The following TPD52L2 variants were observed in gnomAD, a reference collection of about 807,000 sequenced individuals.
TPD52L2 encodes tumor protein D54.
In TPD52L2, 19 loss-of-function variants were observed where a neutral mutation model predicts 24.7. The ratio of observed to expected loss-of-function variants is 0.77; its 90% confidence interval spans 0.54 to 1.13. The LOEUF (loss-of-function observed/expected upper bound fraction) is 1.13, where lower values mean the gene tolerates loss of function less well. Ranked by LOEUF, TPD52L2 falls within the 50% of genes most tolerant of loss-of-function variation. The pLI is 0.00. For missense variants in TPD52L2, 236 were observed against 250.4 expected, an observed-to-expected ratio of 0.94 and a Z score of 0.39; for synonymous variants, 104 against 100.2, an observed-to-expected ratio of 1.04 and a Z score of -0.23.
chr20:63,883,998 A>AG (rs920715360), intron 5 of TPD52L2, among the ~76,000 whole-genome samples: 1 of 152,166 alleles, frequency 6.6e-6, no homozygotes, highest in Non-Finnish European at 1.5e-5. Flanking sequence ...TGCCAAGCAG[A>AG]GGGGATGGCC....
chr20:63,882,965 T>C, intron 5 of TPD52L2, 145 bp downstream of exon 5: 1 of 645,410 alleles, frequency 1.5e-6, no homozygotes, highest in Non-Finnish European at 2.6e-6. Context: ...CCCCGACCAG[T>C]CTGTGTGCAG....
intron 4 of TPD52L2, among the ~76,000 whole-genome samples, chr20:63,876,204 G>T (rs2052671080): frequency 6.6e-6 from 1 of 152,158 alleles, no homozygotes; most frequent in Non-Finnish European, 1.5e-5. Flanking sequence ...TGCACAAGCT[G>T]GACAACACCA....
chr20:63,879,613 A>G (rs1218032123), intron 4 of TPD52L2, among the ~76,000 whole-genome samples: 1 of 150,688 alleles, frequency 6.6e-6, no homozygotes, highest in African/African-American at 2.4e-5. Flanking sequence ...CCCCATGCCC[A>G]CTCTTTAGGC....
At position 63,873,816 on chromosome 20, in the gene TPD52L2, C is replaced by T. The variant is rs6122203; in HGVS notation, c.314C>T (p.Ala105Val). The change falls in exon 3 of 7, where the codon GCC becomes GTC. Residue 105 changes from alanine (A) to valine (V), a missense_variant and splice_region_variant. Ala to Val is a moderately conservative substitution (Grantham distance 64). Coordinates refer to ENST00000346249, the MANE Select transcript of TPD52L2 (RefSeq NM_003288.4). ...TGGCATGACGTGCAGGTCTCTAGCG[C>T]GTAGGTACCTGCCCCAGGCGCACCC... ...RSWHDVQVSS[A>V]YVKTSEKLGE... is the part of the protein sequence containing the mutation. 9.8e-6 allele frequency: 15 copies of T among 1,534,930 alleles called. No homozygotes were observed. Among genetic ancestry groups the T allele is most frequent in the Admixed American group, 9.4e-5 (4 of 42,528 alleles).
At chr20:63,874,779 C>G (rs918856154) in intron 3 of TPD52L2, among the ~76,000 whole-genome samples, 1 of 152,126 alleles carries the variant, frequency 6.6e-6, no homozygotes, top group African/African-American at 2.4e-5. Context: ...TGATCAGGTC[C>G]TTGGCAAGAG....
chr20:63,873,951 C>T, intron 3 of TPD52L2, 135 bp downstream of exon 3: 1 of 1,033,596 alleles, frequency 9.7e-7, no homozygotes, highest in Non-Finnish European at 1.3e-6. Flanking sequence ...TTGGAAGGAT[C>T]CAGAGAGAGG....
chr20:63,865,397 C>T lies in TPD52L2; in HGVS notation c.19+13C>T. The T allele has an allele frequency of 1.3e-6, 2 of 1,529,282 alleles. No individual in the cohort carries two copies. The highest frequency in any genetic ancestry group is 1.2e-5 in the South Asian group (1 of 82,766). 94.7% of individuals were successfully genotyped at this position (1,529,282 alleles called of 1,614,324 possible). A position where few individuals can be genotyped will look rare whatever the true frequency, so the allele number is the denominator to read the frequency against. On this transcript the variant is annotated intron_variant, in intron 1 of 6. Coordinates refer to ENST00000346249, the MANE Select transcript of TPD52L2 (RefSeq NM_003288.4). ...TCCGCCGGCCAAGGTACCTGCCGGG[C>T]CCGGCCCCTTCGCCGCAGATGGGCC... is the stretch of plus-strand genomic sequence containing the variant.
intron 2 of TPD52L2, among the ~76,000 whole-genome samples, chr20:63,871,637 A>T (rs1334290108): frequency 7.0e-6 from 1 of 142,210 alleles, no homozygotes; most frequent in African/African-American, 2.6e-5. Context: ...CGCAAGAAAG[A>T]GTTTTTTTTT....
In TPD52L2 at chr20:63,890,087, G is replaced by A. The variant is rs2053276643; in HGVS notation, c.*142G>A. On this transcript the variant is annotated 3_prime_UTR_variant, in exon 7 of 7. Transcript: ENST00000346249. The stretch of plus-strand genomic sequence containing the variant: ...CAGTCCTGCCCATCCACGCGGAGAT[G>A]TGGCTGCCGCGTTTGCATGAATTTG... The A allele has an allele frequency of 6.7e-6, 10 of 1,499,046 alleles. No individual in the cohort carries two copies. The highest frequency in any genetic ancestry group is 8.0e-6 in the Non-Finnish European group (9 of 1,120,442). The allele number at this position is 1,499,046 out of a possible 1,614,324, so 92.9% of individuals were successfully genotyped here. A position where few individuals can be genotyped will look rare whatever the true frequency, so the allele number is the denominator to read the frequency against.
At chr20:63,872,995 G>C (rs964133807) in intron 2 of TPD52L2, among the ~76,000 whole-genome samples, 1 of 151,236 alleles carries the variant, frequency 6.6e-6, no homozygotes, top group Non-Finnish European at 1.5e-5. Flanking sequence ...TTACAGGCAT[G>C]CGCCACTGCG....
chr20:63,882,577 G>T, intron 4 of TPD52L2, 142 bp from the exon 5 acceptor site: 1 of 700,342 alleles, frequency 1.4e-6, no homozygotes, highest in African/African-American at 1.7e-5. Flanking sequence ...CACCCCCTCT[G>T]TAGACACCTG....
intron 4 of TPD52L2, among the ~76,000 whole-genome samples, chr20:63,879,225 T>G (rs911454262): frequency 6.6e-6 from 1 of 152,138 alleles, no homozygotes; most frequent in Non-Finnish European, 1.5e-5. Flanking sequence ...AGGTTCCTGT[T>G]TCTAGAGGAG....
rs1221858957 is a variant in TPD52L2 at position 63,877,711 on chromosome 20, A to G, written c.374+1836A>G. 6.6e-6 allele frequency among the ~76,000 whole-genome samples: 1 copy of G among 152,242 alleles called. No homozygotes were observed. The highest frequency in any genetic ancestry group is 1.5e-5 in the Non-Finnish European group (1 of 68,050). Reference sequence around the variant, plus strand: ...ATAGTGTTTTAGAGAGCTTATTACAACACTCAGCGTCCCGACCCCTCTGGA... The same window carrying G: ...ATAGTGTTTTAGAGAGCTTATTACAGCACTCAGCGTCCCGACCCCTCTGGA... On this transcript the variant is annotated intron_variant, in intron 4 of 6. Transcript: ENST00000346249. The surrounding 1 kb of genome is among the most constrained non-coding windows in gnomAD (Gnocchi z 4.1).
rs1265001881 is a variant in TPD52L2, at chr20:63,885,925, C to T, written c.476+3105C>T. On this transcript the variant is annotated intron_variant, in intron 5 of 6. Coordinates refer to ENST00000346249, the MANE Select transcript of TPD52L2 (RefSeq NM_003288.4). ...CTGACTGAGCACGAGCAGGGGGCCT[C>T]CCCTGGGGCTCCCCGAGGAGGGCTG... 31 of 1,424,566 alleles carry T rather than the reference C, an allele frequency of 2.2e-5. 1 individual carries two copies. In the East Asian group the frequency reaches 6.6e-4, roughly 30 times the overall value. The allele number at this position is 1,424,566 out of a possible 1,614,324, so 88.2% of individuals were successfully genotyped here. A position where few individuals can be genotyped will look rare whatever the true frequency, so the allele number is the denominator to read the frequency against.
chr20:63,878,370 G>A (rs947540075), intron 4 of TPD52L2, among the ~76,000 whole-genome samples: 3 of 152,208 alleles, frequency 2.0e-5, no homozygotes, highest in Non-Finnish European at 2.9e-5. Flanking sequence ...TCTATTTATA[G>A]GCAGAGGTAA....
intron 4 of TPD52L2, 31 bp downstream of exon 4, chr20:63,875,906 T>C (rs1465155015): frequency 1.2e-6 from 2 of 1,610,290 alleles, no homozygotes; most frequent in Non-Finnish European, 1.7e-6. Flanking sequence ...CACCTCCTCC[T>C]TCCTCCTCTC....
intron 4 of TPD52L2, chr20:63,876,690 C>G (rs775418490): frequency 2.3e-6 from 1 of 442,270 alleles, no homozygotes; most frequent in African/African-American, 2.0e-5. Context: ...CAGTTGCTGC[C>G]GAGCTTGTCT....
chr20:63,888,887 C>T (rs1418261545), intron 5 of TPD52L2: 25 of 459,302 alleles, frequency 5.4e-5, no homozygotes, highest in Admixed American at 4.3e-4. Flanking sequence ...TACGAGAGCC[C>T]GGGATGTCCC....
chr20:63,883,131 C>T (rs758560051), intron 5 of TPD52L2, among the ~76,000 whole-genome samples: 2 of 152,152 alleles, frequency 1.3e-5, no homozygotes, highest in African/African-American at 2.4e-5. Context: ...TGAGTGGCAG[C>T]GACTCCAGCC....
Sources: allele counts gnomAD v4.1 joint callset (sites outside exome capture counted in the v4.1 genomes callset), GRCh38; gene constraint gnomAD v4.1.1; non-coding constraint Gnocchi (gnomAD v3.1); transcripts MANE v1.5; gene names NCBI Gene and HGNC (gene_info 2026-07-23, HGNC 2026-07-21).